FBRSL1: variants seen among roughly 807,000 people sequenced by gnomAD.
FBRSL1 encodes fibrosin-1-like protein.
FBRSL1 carries 51 observed loss-of-function variants against 89.6 expected under a neutral mutation model. That is an observed-to-expected ratio of 0.57 (90% CI 0.45 to 0.72). The LOEUF is 0.72. Ranked by LOEUF, FBRSL1 falls within the 30% of genes least tolerant of loss-of-function variation. FBRSL1 has a pLI of 0.00. For missense variants in FBRSL1, 1,618 were observed against 1,451.8 expected, an observed-to-expected ratio of 1.11 and a Z score of -1.86; for synonymous variants, 779 against 681.1, an observed-to-expected ratio of 1.14 and a Z score of -2.24.
At position 132,525,813 on chromosome 12, in the gene FBRSL1, C is replaced by T. The variant is rs756508813; in HGVS notation, c.569C>T (p.Pro190Leu). ...CTCGAAGCCACCAGCTCCCGGGACC[C>T]GCTCAGCGATGTGAGTACCCAGCTG... ...SVLEATSSRDPLSDSSAHAVS... is the reference protein window; with the variant it reads ...SVLEATSSRDLLSDSSAHAVS... The change falls in exon 3 of 19, where the codon CCG (proline) becomes CTG (leucine). Residue 190 changes from proline (P) to leucine (L), a missense_variant. By Grantham distance (98) the Pro-to-Leu change is moderately conservative (BLOSUM62 -3). Coordinates refer to ENST00000680143, the MANE Select transcript of FBRSL1 (RefSeq NM_001367871.1). 1.7e-5 allele frequency: 27 copies of T among 1,549,050 alleles called. No individual in the cohort carries two copies. The highest frequency in any genetic ancestry group is 7.1e-5 in the South Asian group (6 of 84,048).
intron 5 of FBRSL1, among the ~76,000 whole-genome samples, chr12:132,561,686 C>T (rs372962192): frequency 6.6e-6 from 1 of 152,128 alleles, no homozygotes; most frequent in Non-Finnish European, 1.5e-5. Flanking sequence ...GGCCACCTGG[C>T]GAAGAGGCCA....
At position 132,584,745 on chromosome 12, in the gene FBRSL1, A is replaced by T. The variant is rs1053225474; in HGVS notation, c.*967A>T. 1 of 152,294 alleles carries T rather than the reference A, an allele frequency of 6.6e-6. No homozygotes were observed. The highest frequency in any genetic ancestry group is 1.5e-5 in the Non-Finnish European group (1 of 68,216). 9.4% of individuals were successfully genotyped at this position (152,294 alleles called of 1,614,324 possible). A position where few individuals can be genotyped will look rare whatever the true frequency, so the allele number is the denominator to read the frequency against. ...GGCGATGCTGTGGACGTTTGTGTGG[A>T]TGGTGCAGTGTTCTTGGAATCTGTA... On this transcript the variant is annotated 3_prime_UTR_variant, in exon 19 of 19. Coordinates refer to ENST00000680143, the MANE Select transcript of FBRSL1 (RefSeq NM_001367871.1).
chr12:132,556,600 GCCC>G (rs1555281050), intron 5 of FBRSL1, among the ~76,000 whole-genome samples: 2 of 52,292 alleles, frequency 3.8e-5, no homozygotes, highest in Non-Finnish European at 3.7e-5. Context: ...CCTTCCTGCT[GCCC>G]CCGCCACCCA....
rs373883022 is a variant in FBRSL1, at chr12:132,508,133, G to T, written c.292-20G>T. Reference sequence around the variant, plus strand: ...CCTGGGGTCCCGCCAATTAACTGGCGTTTCCCTGTCTCCCTGCAGAAGGAT... The same window carrying T: ...CCTGGGGTCCCGCCAATTAACTGGCTTTTCCCTGTCTCCCTGCAGAAGGAT... On this transcript the variant is annotated intron_variant, in intron 1 of 18. Transcript: ENST00000680143. 7.7e-6 allele frequency: 12 copies of T among 1,550,460 alleles called. No homozygotes were observed. Among genetic ancestry groups the T allele is most frequent in the Non-Finnish European group, 9.6e-6 (11 of 1,146,746 alleles).
intron 2 of FBRSL1, chr12:132,512,016 C>G: frequency 1.0e-6 from 1 of 985,378 alleles, no homozygotes; most frequent in Non-Finnish European, 1.2e-6. Flanking sequence ...CCACAAAGGG[C>G]TTTTGTGCTG....
chr12:132,531,257 G>A lies in FBRSL1; in HGVS notation c.615+3269G>A, dbSNP rs189702329. On this transcript the variant is annotated intron_variant, in intron 4 of 18. Transcript: ENST00000680143. ...GGAGCAGGCGAGGGGCCCAGGCGAG[G>A]GTCTGGATTGTGCTGAAGCCTGGGA... is the stretch of plus-strand genomic sequence containing the variant. Among the ~76,000 whole-genome samples the A allele has an allele frequency of 3.5e-3, 529 of 152,276 alleles. 7 individuals carry two copies. The highest frequency in any genetic ancestry group is 0.011 in the African/African-American group (473 of 41,556).
intron 4 of FBRSL1, 135 bp downstream of exon 4, chr12:132,528,123 T>G: frequency 1.3e-6 from 1 of 795,272 alleles, no homozygotes; most frequent in Admixed American, 2.1e-5. Flanking sequence ...AGCCCCAGAC[T>G]GGTTCTGGCC....
chr12:132,494,049 C>A (rs2031583337), intron 1 of FBRSL1, among the ~76,000 whole-genome samples: 1 of 152,132 alleles, frequency 6.6e-6, no homozygotes, highest in Non-Finnish European at 1.5e-5. Context: ...GCGCGGCAGA[C>A]CTGAGCCAGC....
At chr12:132,556,794 G>A (rs12829240) in intron 5 of FBRSL1, among the ~76,000 whole-genome samples, 39 of 103,434 alleles carry the variant, frequency 3.8e-4, no homozygotes, top group African/African-American at 1.5e-3. Flanking sequence ...CCAGGCCTTC[G>A]TGCTGCACCC....
At chr12:132,559,035 A>T (rs1020485235) in intron 5 of FBRSL1, among the ~76,000 whole-genome samples, 3 of 152,212 alleles carry the variant, frequency 2.0e-5, no homozygotes, top group African/African-American at 7.2e-5. Context: ...GGGCGCTGGG[A>T]TGGAAGGGTC....
chr12:132,536,605 GGTGT>G (rs1296382080), intron 4 of FBRSL1, among the ~76,000 whole-genome samples: 12 of 150,388 alleles, frequency 8.0e-5, no homozygotes, highest in African/African-American at 2.2e-4. Flanking sequence ...TGTACATGAC[GGTGT>G]GTGTGTGAGT....
intron 1 of FBRSL1, among the ~76,000 whole-genome samples, 154 bp downstream of exon 1, chr12:132,491,015 C>A (rs1296917051): frequency 2.0e-5 from 3 of 152,210 alleles, no homozygotes; most frequent in African/African-American, 4.8e-5. Context: ...TTCCAGGGAC[C>A]CTGGGTGCCC....
In FBRSL1 at chr12:132,508,164, C is replaced by T. The variant is rs2136568675; in HGVS notation, c.303C>T (p.Ala101=). The change falls in exon 2 of 19, where the codon GCC becomes GCT. Residue 101 remains alanine (A), a synonymous_variant. Transcript: ENST00000680143. ...STLEALEKDM[A]LKPHERKEKW... is the part of the protein sequence containing the mutation. ...CTGTCTCCCTGCAGAAGGATATGGC[C>T]CTGAAGCCACATGAGCGGAAGGAGA... 2 of 1,551,108 alleles carry T rather than the reference C, an allele frequency of 1.3e-6. No individual in the cohort carries two copies. Among genetic ancestry groups the T allele is most frequent in the Non-Finnish European group, 1.7e-6 (2 of 1,146,926 alleles).
rs533412036 is a variant in FBRSL1, at chr12:132,495,305, C to T, written c.291+4444C>T. ...GAAGTGTGACCTGGCCATGTGGGGGCGGGGCTGGGCCCGGCCTGCCGAGCA... is the reference window on the plus strand; with the variant it reads ...GAAGTGTGACCTGGCCATGTGGGGGTGGGGCTGGGCCCGGCCTGCCGAGCA... On this transcript the variant is annotated intron_variant, in intron 1 of 18. Transcript: ENST00000680143. Among the ~76,000 whole-genome samples, 96 of 152,220 alleles carry T rather than the reference C, an allele frequency of 6.3e-4. 1 individual carries two copies. Among genetic ancestry groups the T allele is most frequent in the Non-Finnish European group, 1.2e-3 (84 of 68,032 alleles).
intron 4 of FBRSL1, among the ~76,000 whole-genome samples, chr12:132,528,612 G>A (rs956695511): frequency 6.6e-6 from 1 of 151,416 alleles, no homozygotes; most frequent in African/African-American, 2.4e-5. Context: ...TGCCTGGGGG[G>A]AGCGGGTGTG....
chr12:132,519,001 C>T (rs995089724), intron 2 of FBRSL1, among the ~76,000 whole-genome samples: 7 of 152,324 alleles, frequency 4.6e-5, no homozygotes, highest in South Asian at 4.1e-4. Context: ...ATGCATCCAT[C>T]CATCCACCCA....
intron 15 of FBRSL1, among the ~76,000 whole-genome samples, chr12:132,579,175 A>G (rs770262327): frequency 6.6e-5 from 10 of 152,110 alleles, no homozygotes; most frequent in African/African-American, 1.9e-4. Context: ...GCAGGTCTTG[A>G]TATCTTGCTG....
chr12:132,563,604 C>G (rs2039328447), intron 5 of FBRSL1, among the ~76,000 whole-genome samples: 1 of 152,144 alleles, frequency 6.6e-6, no homozygotes, highest in Admixed American at 6.5e-5. Flanking sequence ...TTGTTGGTTT[C>G]CAATGCTGTC....
At chr12:132,572,138 AGAG>A in intron 9 of FBRSL1, 147 bp from the exon 10 acceptor site, 1 of 660,122 alleles carries the variant, frequency 1.5e-6, no homozygotes, top group Non-Finnish European at 2.6e-6. Context: ...CTGGCGCTCT[AGAG>A]GAGCCTGGGA....
Sources: allele counts gnomAD v4.1 joint callset (sites outside exome capture counted in the v4.1 genomes callset), GRCh38; gene constraint gnomAD v4.1.1; transcripts MANE v1.5; gene names NCBI Gene and HGNC (gene_info 2026-07-23, HGNC 2026-07-21).